Variants in TMEM132B observed in about 807,000 individuals in gnomAD.
TMEM132B encodes transmembrane protein 132B.
A neutral mutation model predicts 90.8 loss-of-function variants in TMEM132B; 18 were observed. The observed-to-expected ratio is 0.20, with a 90% confidence interval of 0.14 to 0.29. TMEM132B has a LOEUF of 0.29. Among genes scored for constraint, TMEM132B ranks in the 10% least tolerant of loss-of-function variants. The pLI is 1.00. For missense variants in TMEM132B, 1,096 were observed against 1,326.8 expected (o/e 0.83, Z 2.70); for synonymous variants, 504 against 523.3 (o/e 0.96, Z 0.50).
intron 1 of TMEM132B, among the ~76,000 whole-genome samples, chr12:125,192,120 CTG>C (rs935173261): frequency 3.4e-4 from 52 of 152,338 alleles, no homozygotes; most frequent in African/African-American, 1.3e-3. Flanking sequence ...GTTGGGCACA[CTG>C]TGTGTTCTTA....
chr12:125,332,629 A>G (rs1876819853), intron 1 of TMEM132B, among the ~76,000 whole-genome samples: 1 of 108,226 alleles, frequency 9.2e-6, no homozygotes, highest in Admixed American at 1.4e-4. Flanking sequence ...AAGACAGTAG[A>G]GTGCTTTGGT....
At chr12:125,301,059 A>C (rs369823774) in intron 1 of TMEM132B, 5 of 152,222 alleles carry the variant, frequency 3.3e-5, no homozygotes, top group Non-Finnish European at 7.4e-5. Flanking sequence ...GTTGGTATAC[A>C]TGTTGGTATT....
intron 1 of TMEM132B, among the ~76,000 whole-genome samples, chr12:125,330,668 T>C (rs1026862639): frequency 1.3e-5 from 2 of 152,204 alleles, no homozygotes; most frequent in Admixed American, 1.3e-4. Context: ...TATCAAAAGC[T>C]TTAAAATGTG....
At chr12:125,236,754 C>G (rs1873945498) in intron 1 of TMEM132B, among the ~76,000 whole-genome samples, 1 of 152,242 alleles carries the variant, frequency 6.6e-6, no homozygotes, top group Admixed American at 6.5e-5. Context: ...GGCCACTTAC[C>G]CTGGCTTCTC....
At chr12:125,587,561 C>T (rs1020467037) in intron 5 of TMEM132B, 6 of 152,122 alleles carry the variant, frequency 3.9e-5, no homozygotes, top group African/African-American at 9.7e-5. Context: ...CTGTGAACCT[C>T]GTCTGGAGTT....
chr12:125,426,081 C>T (rs1367684155), intron 3 of TMEM132B, among the ~76,000 whole-genome samples: 3 of 152,194 alleles, frequency 2.0e-5, no homozygotes, highest in Non-Finnish European at 4.4e-5. Flanking sequence ...AATGAGACTT[C>T]CTGTGTCTTC....
intron 3 of TMEM132B, among the ~76,000 whole-genome samples, chr12:125,463,048 A>G (rs945162984): frequency 6.6e-6 from 1 of 152,156 alleles, no homozygotes; most frequent in African/African-American, 2.4e-5. Flanking sequence ...AAATGTTCCA[A>G]TTGTGTGAAA....
chr12:125,299,805 C>T (rs1008468945), intron 1 of TMEM132B, among the ~76,000 whole-genome samples: 3 of 152,194 alleles, frequency 2.0e-5, no homozygotes, highest in Non-Finnish European at 2.9e-5. Flanking sequence ...CTAAGTGACC[C>T]CTCCCACCCT....
chr12:125,460,147 G>T lies in TMEM132B; in HGVS notation c.1106+44470G>T, dbSNP rs759348375. 7.9e-5 allele frequency among the ~76,000 whole-genome samples: 12 copies of T among 152,088 alleles called. No homozygotes were observed. The highest frequency in any genetic ancestry group is 1.6e-4 in the Non-Finnish European group (11 of 68,032). ...GCATGCCTGTGTCAAAACATCTCAT[G>T]TACTCCATAAACACATATACCCACT... On this transcript the variant is annotated intron_variant, in intron 3 of 8. Transcript: ENST00000682704. This position sits in a 1 kb window ranked among gnomAD's most constrained non-coding sequence, Gnocchi z 4.4.
At chr12:125,269,138 T>G (rs970470352) in intron 1 of TMEM132B, among the ~76,000 whole-genome samples, 3 of 152,216 alleles carry the variant, frequency 2.0e-5, no homozygotes, top group African/African-American at 7.2e-5. Flanking sequence ...CACCTCTGAT[T>G]ATATTTGCAG....
chr12:125,345,782 G>T (rs1490482571), intron 1 of TMEM132B, among the ~76,000 whole-genome samples: 2 of 152,126 alleles, frequency 1.3e-5, no homozygotes, highest in Non-Finnish European at 2.9e-5. Context: ...CCTGCTCTCA[G>T]GGCCCACCTC....
intron 1 of TMEM132B, among the ~76,000 whole-genome samples, chr12:125,203,766 T>C (rs1873120272): frequency 6.6e-6 from 1 of 152,226 alleles, no homozygotes; most frequent in Non-Finnish European, 1.5e-5. Context: ...TACTAGAATT[T>C]CTCATAGGTT....
intron 3 of TMEM132B, among the ~76,000 whole-genome samples, chr12:125,436,667 ACAC>A (rs1010416101): frequency 6.6e-6 from 1 of 152,182 alleles, no homozygotes; most frequent in African/African-American, 2.4e-5. Flanking sequence ...GACCTTGCTA[ACAC>A]CTTCATATTG....
At chr12:125,363,021 C>T (rs534877303) in intron 2 of TMEM132B, among the ~76,000 whole-genome samples, 4 of 152,278 alleles carry the variant, frequency 2.6e-5, no homozygotes, top group East Asian at 1.9e-4. Flanking sequence ...TTCACTGGCA[C>T]CTCAAGCAGT....
At chr12:125,487,131 A>G (rs1411180667) in intron 3 of TMEM132B, among the ~76,000 whole-genome samples, 1 of 152,208 alleles carries the variant, frequency 6.6e-6, no homozygotes, top group Non-Finnish European at 1.5e-5. Context: ...TGAACCCATT[A>G]TTCGATAGCC....
intron 3 of TMEM132B, among the ~76,000 whole-genome samples, chr12:125,468,191 T>C (rs1881619494): frequency 6.6e-6 from 1 of 152,192 alleles, no homozygotes; most frequent in South Asian, 2.1e-4. Flanking sequence ...ACCAAATTGT[T>C]TTCTGCAGGG....
intron 1 of TMEM132B, among the ~76,000 whole-genome samples, chr12:125,239,632 T>C (rs76336760): frequency 0.01 from 1,545 of 152,308 alleles, 31 homozygotes; most frequent in African/African-American, 0.035. Flanking sequence ...GCATGCGTCT[T>C]CCCTGATGGC....
chr12:125,246,284 C>T lies in TMEM132B; in HGVS notation c.67+59418C>T, dbSNP rs1158434230. ...CTTAGCTGGTGGCCCCTCCTTTCCCCGCCTTCCCTGCCACAGGGAACTCAA... is the reference window on the plus strand; with the variant it reads ...CTTAGCTGGTGGCCCCTCCTTTCCCTGCCTTCCCTGCCACAGGGAACTCAA... On this transcript the variant is annotated intron_variant, in intron 1 of 8. Transcript: ENST00000682704. The surrounding 1 kb of genome is among the most constrained non-coding windows in gnomAD (Gnocchi z 4.2). Among the ~76,000 whole-genome samples the T allele has an allele frequency of 2.0e-5, 3 of 152,162 alleles. No homozygotes were observed. Among genetic ancestry groups the T allele is most frequent in the African/African-American group, 7.2e-5 (3 of 41,442 alleles).
intron 5 of TMEM132B, chr12:125,622,656 G>A (rs1383906348): frequency 1.0e-6 from 1 of 985,248 alleles, no homozygotes; most frequent in South Asian, 4.7e-5. Flanking sequence ...GCCTTCTCTG[G>A]GTAGCACTGA....
Sources: allele counts gnomAD v4.1 joint callset (sites outside exome capture counted in the v4.1 genomes callset), GRCh38; gene constraint gnomAD v4.1.1; non-coding constraint Gnocchi (gnomAD v3.1); transcripts MANE v1.5; gene names NCBI Gene and HGNC (gene_info 2026-07-23, HGNC 2026-07-21).